The following TSGA10 variants were observed in gnomAD, a reference collection of about 807,000 sequenced individuals.
The protein encoded by TSGA10 is testis specific 10.
A neutral mutation model predicts 96.6 loss-of-function variants in TSGA10; 43 were observed. The ratio of observed to expected loss-of-function variants is 0.44; its 90% CI spans 0.35 to 0.57. The LOEUF is 0.57. Ranked by LOEUF, TSGA10 falls within the 20% of genes least tolerant of loss-of-function variation. The pLI, the probability that TSGA10 is intolerant of heterozygous loss-of-function variation, is 0.01. For missense variants in TSGA10, 703 were observed against 834.4 expected (o/e 0.84, Z 1.94); for synonymous variants, 229 against 269.9 (o/e 0.85, Z 1.48).
intron 1 of TSGA10, among the ~76,000 whole-genome samples, chr2:99,138,917 G>A (rs752729866): frequency 9.9e-5 from 15 of 152,150 alleles, no homozygotes; most frequent in Non-Finnish European, 1.9e-4. Flanking sequence ...GAGGTAATAA[G>A]AGGAAACCCA....
chr2:99,049,734 A>G (rs1423716466), intron 16 of TSGA10, among the ~76,000 whole-genome samples: 1 of 115,588 alleles, frequency 8.7e-6, no homozygotes, highest in East Asian at 2.2e-4. Flanking sequence ...TATAATTTAA[A>G]AAAAAGAAAA....
intron 14 of TSGA10, among the ~76,000 whole-genome samples, chr2:99,069,906 GA>G (rs971857186): frequency 6.0e-5 from 9 of 150,266 alleles, no homozygotes; most frequent in Admixed American, 2.0e-4. Context: ...TATGTTAAGT[GA>G]AAAAAAAATC....
rs1223834692 is a variant in TSGA10 at position 99,105,799 on chromosome 2, T to A, written c.211-102A>T. 5.0e-6 allele frequency: 4 copies of A among 806,712 alleles called. No homozygotes were observed. The African/African-American group carries it at 5.1e-5, about 10-fold the overall frequency. The allele number at this position is 806,712 out of a possible 1,614,324, so 50.0% of individuals were successfully genotyped here. Reference sequence around the variant, plus strand: ...GTTAAAATGCAAACCTACATCAACATGCATGCAGCAGGGTAATGGTATCGC... The same window carrying A: ...GTTAAAATGCAAACCTACATCAACAAGCATGCAGCAGGGTAATGGTATCGC... On this transcript the variant is annotated intron_variant, in intron 7 of 20. Coordinates refer to ENST00000393483, the MANE Select transcript of TSGA10 (RefSeq NM_025244.4).
chr2:99,026,296 T>TA (rs1201320428), intron 17 of TSGA10, among the ~76,000 whole-genome samples: 2 of 152,238 alleles, frequency 1.3e-5, no homozygotes, highest in African/African-American at 4.8e-5. Context: ...GTCTTACACT[T>TA]ACATCTATAT....
chr2:99,129,430 A>G (rs937605109), intron 1 of TSGA10, among the ~76,000 whole-genome samples: 3 of 152,192 alleles, frequency 2.0e-5, no homozygotes, highest in African/African-American at 7.2e-5. Flanking sequence ...CCTCTTTGGT[A>G]AACCGAATAA....
At position 99,010,792 on chromosome 2, in the gene TSGA10, T is replaced by C. The variant is rs900729645; in HGVS notation, c.2072+7408A>G. 3.3e-5 allele frequency among the ~76,000 whole-genome samples: 5 copies of C among 152,304 alleles called. No homozygotes were observed. The East Asian group carries it at 9.7e-4, about 29-fold the overall frequency. ...CTGCAGATAGGAGCCAGGGCAAGAA[T>C]AGCCAGACAGGGAAGGGCCAGGTTC... On this transcript the variant is annotated intron_variant, in intron 20 of 20. Transcript: ENST00000393483.
Position 99,037,973 on chromosome 2 carries a change from TAC to T in TSGA10, c.1405-2536_1405-2535del, listed in dbSNP as rs545943954. On this transcript the variant is annotated intron_variant, in intron 16 of 20. Coordinates refer to ENST00000393483, the MANE Select transcript of TSGA10 (RefSeq NM_025244.4). ...ATAGCAGATTTCTTAGCAGAAACCA[TAC>T]AAGCTAGAAGGGATTGGGGTCCTAT... Among the ~76,000 whole-genome samples, 235 of 151,846 alleles carry T rather than the reference TAC, an allele frequency of 1.5e-3. 1 individual carries two copies. Among genetic ancestry groups the T allele is most frequent in the Middle Eastern group, 0.01 (3 of 294 alleles).
chr2:99,113,071 CAT>C (rs1260255257), intron 4 of TSGA10, among the ~76,000 whole-genome samples: 1 of 151,828 alleles, frequency 6.6e-6, no homozygotes, highest in Non-Finnish European at 1.5e-5. Flanking sequence ...CTTCACATTT[CAT>C]AGTGTCATGT....
chr2:99,038,847 T>C (rs530479869), intron 16 of TSGA10, among the ~76,000 whole-genome samples: 2 of 152,202 alleles, frequency 1.3e-5, no homozygotes, highest in East Asian at 1.9e-4. Context: ...ATTCTATTCA[T>C]CAGCACAAGG....
At chr2:99,025,740 C>T (rs2080507570) in intron 17 of TSGA10, among the ~76,000 whole-genome samples, 1 of 152,090 alleles carries the variant, frequency 6.6e-6, no homozygotes, top group African/African-American at 2.4e-5. Context: ...CTATAAATTT[C>T]CCTCTAAGTA....
In TSGA10 at chr2:99,100,290, T is replaced by C. The variant is rs1042309168; in HGVS notation, c.611+3677A>G. 2.0e-5 allele frequency among the ~76,000 whole-genome samples: 3 copies of C among 152,258 alleles called. No individual in the cohort carries two copies. The South Asian group carries it at 6.2e-4, about 32-fold the overall frequency. On this transcript the variant is annotated intron_variant, in intron 10 of 20. Coordinates refer to ENST00000393483, the MANE Select transcript of TSGA10 (RefSeq NM_025244.4). ...TCTTATAGGTTTAACACTTTTACAGTTATAGTAATTAGGAAAGTTTTGTAA... is the reference window on the plus strand; with the variant it reads ...TCTTATAGGTTTAACACTTTTACAGCTATAGTAATTAGGAAAGTTTTGTAA...
chr2:99,037,544 G>A (rs1255890275), intron 16 of TSGA10, among the ~76,000 whole-genome samples: 1 of 152,062 alleles, frequency 6.6e-6, no homozygotes, highest in African/African-American at 2.4e-5. Context: ...TAGAAAAGAA[G>A]GAATATCTAA....
At chr2:99,106,122 G>T (rs937204316) in intron 7 of TSGA10, among the ~76,000 whole-genome samples, 1 of 152,090 alleles carries the variant, frequency 6.6e-6, no homozygotes, top group Non-Finnish European at 1.5e-5. Context: ...CTTCTGCCCT[G>T]ACAGAAAGGC....
At chr2:99,022,192 T>A (rs2104966833) in intron 17 of TSGA10, among the ~76,000 whole-genome samples, 1 of 151,750 alleles carries the variant, frequency 6.6e-6, no homozygotes, top group African/African-American at 2.4e-5. Context: ...CCAGGCATGG[T>A]GACATAGGCC....
chr2:99,027,785 C>T (rs2080763194), intron 17 of TSGA10, among the ~76,000 whole-genome samples: 1 of 152,002 alleles, frequency 6.6e-6, no homozygotes, highest in African/African-American at 2.4e-5. Context: ...CTCTAAAAGA[C>T]AGTTTCTTTT....
intron 1 of TSGA10, among the ~76,000 whole-genome samples, chr2:99,134,659 G>A (rs551301520): frequency 4.5e-4 from 68 of 152,196 alleles, no homozygotes; most frequent in South Asian, 2.1e-3. Flanking sequence ...GAGAAGAGGC[G>A]TTCTGGTTTT....
At chr2:99,148,338 A>T (rs570745875) in intron 1 of TSGA10, 14 of 152,346 alleles carry the variant, frequency 9.2e-5, no homozygotes, top group Admixed American at 5.9e-4. Context: ...ATTCATCTTC[A>T]AGTTCCAAAT....
At chr2:99,006,708 T>A (rs2078513224) in intron 20 of TSGA10, among the ~76,000 whole-genome samples, 1 of 152,206 alleles carries the variant, frequency 6.6e-6, no homozygotes, top group Non-Finnish European at 1.5e-5. Context: ...GACTGTAAAC[T>A]AGTTCAACCA....
At chr2:99,002,057 A>C (rs949451985) in intron 20 of TSGA10, among the ~76,000 whole-genome samples, 1 of 152,210 alleles carries the variant, frequency 6.6e-6, no homozygotes, top group Non-Finnish European at 1.5e-5. Flanking sequence ...GTTGGAAAAC[A>C]CTCTGCGGGA....
Sources: gnomAD v4.1 joint callset for allele counts (sites outside exome capture counted in the v4.1 genomes callset) on GRCh38, gnomAD v4.1.1 for gene constraint, MANE v1.5 for transcripts, NCBI Gene and HGNC (gene_info 2026-07-23, HGNC 2026-07-21) for gene names.